The following SCHIP1 variants were observed in gnomAD, a reference collection of about 807,000 sequenced individuals.
SCHIP1 encodes schwannomin-interacting protein 1.
Under a neutral mutation model 29.7 loss-of-function variants are expected in SCHIP1, and 8 were observed. The observed-to-expected ratio is 0.27, with a 90% CI of 0.16 to 0.49. The LOEUF is 0.49. Among genes scored for constraint, SCHIP1 ranks in the 20% least tolerant of loss-of-function variants. The pLI is 0.99. For missense variants in SCHIP1, 193 were observed against 294.6 expected (o/e 0.66, Z 2.52); for synonymous variants, 76 against 94.9 (o/e 0.80, Z 1.16).
the SCHIP1 span, among the ~76,000 whole-genome samples, chr3:159,315,334 G>A: frequency 2.0e-5 from 3 of 150,410 alleles, no homozygotes; most frequent in African/African-American, 7.3e-5. Context: ...GAGTAGCTGG[G>A]ACTACAGGCA....
At chr3:159,657,114 A>G in the SCHIP1 span, among the ~76,000 whole-genome samples, 1 of 152,208 alleles carries the variant, frequency 6.6e-6, no homozygotes, top group Non-Finnish European at 1.5e-5. Flanking sequence ...CTCTAAGTCT[A>G]CATGTACTAA....
chr3:159,623,598 C>T, the SCHIP1 span, among the ~76,000 whole-genome samples: 14 of 152,120 alleles, frequency 9.2e-5, no homozygotes, highest in Admixed American at 7.2e-4. Context: ...TGCACTCCAA[C>T]CTGGGTGACA....
At chr3:159,622,528 T>G in the SCHIP1 span, among the ~76,000 whole-genome samples, 1 of 152,214 alleles carries the variant, frequency 6.6e-6, no homozygotes, top group African/African-American at 2.4e-5. Flanking sequence ...TAAGGACCTT[T>G]GCAATTTCAT....
the SCHIP1 span, among the ~76,000 whole-genome samples, chr3:159,406,265 C>G: frequency 6.6e-6 from 1 of 152,150 alleles, no homozygotes; most frequent in Non-Finnish European, 1.5e-5. Flanking sequence ...TCCAATGTGT[C>G]TGACAGCAGA....
the SCHIP1 span, among the ~76,000 whole-genome samples, chr3:159,732,437 C>A: frequency 6.6e-6 from 1 of 152,154 alleles, no homozygotes; most frequent in Non-Finnish European, 1.5e-5. Flanking sequence ...ACCTTCTCTC[C>A]GCAATTTGCC....
At chr3:159,451,633 T>G in the SCHIP1 span, among the ~76,000 whole-genome samples, 1 of 152,242 alleles carries the variant, frequency 6.6e-6, no homozygotes, top group Non-Finnish European at 1.5e-5. Flanking sequence ...TGTCAACAAT[T>G]GTTCAATTGC....
At chr3:159,350,570 A>G in the SCHIP1 span, among the ~76,000 whole-genome samples, 2,544 of 152,194 alleles carry the variant, frequency 0.017, 61 homozygotes, top group African/African-American at 0.058. Context: ...AATGAACTTG[A>G]TATTTTTAAT....
the SCHIP1 span, chr3:159,722,270 G>T: frequency 2.7e-3 from 460 of 168,862 alleles, 5 homozygotes; most frequent in African/African-American, 0.01. Flanking sequence ...TCAGCCTGTT[G>T]CGCCTCTTCC....
the SCHIP1 span, among the ~76,000 whole-genome samples, chr3:159,814,726 G>A: frequency 6.6e-6 from 1 of 152,204 alleles, no homozygotes; most frequent in South Asian, 2.1e-4. Flanking sequence ...GTCCTCTTCA[G>A]CTGCAGTCCT....
the SCHIP1 span, among the ~76,000 whole-genome samples, chr3:159,479,383 T>C: frequency 6.6e-6 from 1 of 152,184 alleles, no homozygotes; most frequent in Non-Finnish European, 1.5e-5. Context: ...CCAGATGTCA[T>C]TGTATATGAT....
At chr3:159,666,548 A>G in the SCHIP1 span, among the ~76,000 whole-genome samples, 3 of 152,202 alleles carry the variant, frequency 2.0e-5, no homozygotes, top group Admixed American at 2.0e-4. Flanking sequence ...GTTCACATAA[A>G]TAGAATTGAA....
chr3:159,892,396 C>T (rs923975034), intron 6 of SCHIP1: 4 of 620,564 alleles, frequency 6.4e-6, no homozygotes, highest in South Asian at 5.9e-5. Flanking sequence ...ACCATCCCCC[C>T]CTTGTGATGA....
the SCHIP1 span, among the ~76,000 whole-genome samples, chr3:159,791,980 A>G: frequency 6.6e-6 from 1 of 152,184 alleles, no homozygotes. Context: ...CATTTTTTAA[A>G]AAGTCATGTT....
the SCHIP1 span, among the ~76,000 whole-genome samples, chr3:159,618,706 C>T: frequency 1.2e-3 from 188 of 152,166 alleles, no homozygotes; most frequent in African/African-American, 4.3e-3. Flanking sequence ...AGCACTGGAG[C>T]AGAAACATTG....
At chr3:159,820,020 C>G in the SCHIP1 span, among the ~76,000 whole-genome samples, 64 of 152,296 alleles carry the variant, frequency 4.2e-4, 1 homozygote, top group African/African-American at 1.4e-3. Flanking sequence ...GCCAGTTGAT[C>G]TTGGTTGGGA....
chr3:159,719,855 C>T, the SCHIP1 span, among the ~76,000 whole-genome samples: 1 of 152,174 alleles, frequency 6.6e-6, no homozygotes, highest in Non-Finnish European at 1.5e-5. Flanking sequence ...ACTAGAAATA[C>T]CATTTGATCC....
At chr3:159,559,521 T>C in the SCHIP1 span, among the ~76,000 whole-genome samples, 1 of 152,226 alleles carries the variant, frequency 6.6e-6, no homozygotes, top group Admixed American at 6.5e-5. Flanking sequence ...TTAGTATGTA[T>C]ATTAGCTAGA....
At chr3:159,419,517 G>T in the SCHIP1 span, among the ~76,000 whole-genome samples, 2 of 152,108 alleles carry the variant, frequency 1.3e-5, no homozygotes, top group African/African-American at 4.8e-5. Flanking sequence ...GCTTAAAATT[G>T]ATGATATCTG....
At chr3:159,359,853 G>A in the SCHIP1 span, among the ~76,000 whole-genome samples, 1 of 152,190 alleles carries the variant, frequency 6.6e-6, no homozygotes, top group African/African-American at 2.4e-5. Flanking sequence ...AAATACCTGA[G>A]TAGGCAAGTC....
Sources: allele counts gnomAD v4.1 joint callset (sites outside exome capture counted in the v4.1 genomes callset), GRCh38; gene constraint gnomAD v4.1.1; transcripts MANE v1.5; gene names NCBI Gene and HGNC (gene_info 2026-07-23, HGNC 2026-07-21).